Variants in CD28 observed in about 807,000 individuals in gnomAD.
CD28 encodes CD28 molecule, also known as T-cell-specific surface glycoprotein CD28.
CD28 carries 8 observed loss-of-function variants against 21.4 expected under a neutral mutation model. The ratio of observed to expected loss-of-function variants is 0.37; its 90% CI spans 0.22 to 0.68. The LOEUF (loss-of-function observed/expected upper bound fraction) is 0.68, where lower values mean the gene tolerates loss of function less well. Among genes scored for constraint, CD28 ranks in the 30% least tolerant of loss-of-function variants. The pLI, the probability that CD28 is intolerant of heterozygous loss-of-function variation, is 0.55. For missense variants in CD28, 239 were observed against 272.2 expected, an observed-to-expected ratio of 0.88 and a Z score of 0.86; for synonymous variants, 106 against 104.0, an observed-to-expected ratio of 1.02 and a Z score of -0.12.
Position 203,738,511 on chromosome 2 carries a change from T to C in CD28, c.*3599T>C, listed in dbSNP as rs938635063. 8 of 152,162 alleles carry C rather than the reference T, an allele frequency of 5.3e-5. No homozygotes were observed. The highest frequency in any genetic ancestry group is 5.2e-4 in the Admixed American group (8 of 15,276). 9.4% of individuals were successfully genotyped at this position (152,162 alleles called of 1,614,324 possible). A position where few individuals can be genotyped will look rare whatever the true frequency, so the allele number is the denominator to read the frequency against. ...TGTTATCTGCAAGGCCATTTGAGGCTCAGAAAGTCTCTCTTTCCTATAGAT... is the reference window on the plus strand; with the variant it reads ...TGTTATCTGCAAGGCCATTTGAGGCCCAGAAAGTCTCTCTTTCCTATAGAT... On this transcript the variant is annotated 3_prime_UTR_variant, in exon 4 of 4. Transcript: ENST00000324106.
intron 3 of CD28, among the ~76,000 whole-genome samples, chr2:203,732,508 TA>T (rs1217499312): frequency 6.6e-6 from 1 of 152,248 alleles, no homozygotes; most frequent in African/African-American, 2.4e-5. Flanking sequence ...GTCTGCTTTT[TA>T]TAATAATCCA....
chr2:203,728,427 G>A (rs994434388), intron 2 of CD28, among the ~76,000 whole-genome samples: 1 of 152,160 alleles, frequency 6.6e-6, no homozygotes, highest in African/African-American at 2.4e-5. Flanking sequence ...TTTCATTTTT[G>A]TGGAATGATA....
In CD28 at chr2:203,734,969, T is replaced by C. The variant is rs1426443386; in HGVS notation, c.*57T>C. 5 of 1,583,408 alleles carry C rather than the reference T, an allele frequency of 3.2e-6. No individual in the cohort carries two copies. Among genetic ancestry groups the C allele is most frequent in the Non-Finnish European group, 3.4e-6 (4 of 1,163,344 alleles). On this transcript the variant is annotated 3_prime_UTR_variant, in exon 4 of 4. Coordinates refer to ENST00000324106, the MANE Select transcript of CD28 (RefSeq NM_006139.4). ...GCAGCCCCCATCTGCTCAATATCAC[T>C]GCTCTGGATAGGAAATGACCGCCAT...
intron 1 of CD28, among the ~76,000 whole-genome samples, chr2:203,726,234 G>T (rs946519381): frequency 1.3e-5 from 2 of 151,984 alleles, no homozygotes; most frequent in African/African-American, 4.8e-5. Flanking sequence ...CAAAGAAACA[G>T]ATCTATTTTT....
At chr2:203,711,485 TCTTA>T (rs1201668070) in intron 1 of CD28, among the ~76,000 whole-genome samples, 2 of 152,214 alleles carry the variant, frequency 1.3e-5, no homozygotes, top group Admixed American at 6.5e-5. Context: ...GTGGAGAAGT[TCTTA>T]CTTAACTTTG....
chr2:203,726,280 T>C (rs1043381466), intron 1 of CD28, among the ~76,000 whole-genome samples: 1 of 152,156 alleles, frequency 6.6e-6, no homozygotes, highest in African/African-American at 2.4e-5. Flanking sequence ...CCTCCAAATA[T>C]ATCACTCAGT....
intron 1 of CD28, among the ~76,000 whole-genome samples, chr2:203,720,694 A>C (rs1378816703): frequency 1.3e-5 from 2 of 152,266 alleles, no homozygotes; most frequent in East Asian, 3.8e-4. Flanking sequence ...ATACATATCA[A>C]AGCCAAATGT....
Position 203,727,734 on chromosome 2 carries a change from C to A in CD28, c.409+745C>A, listed in dbSNP as rs1028267507. 5.9e-5 allele frequency among the ~76,000 whole-genome samples: 9 copies of A among 151,766 alleles called. No homozygotes were observed. In the East Asian group the frequency reaches 1.4e-3, roughly 23 times the overall value. On this transcript the variant is annotated intron_variant, in intron 2 of 3. Coordinates refer to ENST00000324106, the MANE Select transcript of CD28 (RefSeq NM_006139.4). ...TTGCTCTGTCGCCCAGGCTGGAATG[C>A]GGTGGCGCGATCTCGGCTCACTGCA...
chr2:203,721,313 G>T lies in CD28; in HGVS notation c.53-5320G>T, dbSNP rs78640263. ...AATCTTAGCACTTTTCTGCATAAAA[G>T]CCTTCAGTAGATCTTCATCACCTTC... On this transcript the variant is annotated intron_variant, in intron 1 of 3. Coordinates refer to ENST00000324106, the MANE Select transcript of CD28 (RefSeq NM_006139.4). Among the ~76,000 whole-genome samples the T allele has an allele frequency of 9.7e-3, 1,481 of 152,254 alleles. 24 individuals carry two copies. The highest frequency in any genetic ancestry group is 0.034 in the African/African-American group (1,403 of 41,544).
intron 1 of CD28, among the ~76,000 whole-genome samples, chr2:203,726,047 A>G (rs963121582): frequency 6.6e-6 from 1 of 151,888 alleles, no homozygotes; most frequent in Non-Finnish European, 1.5e-5. Flanking sequence ...CGTCTATACT[A>G]AAAAAATAGA....
intron 3 of CD28, among the ~76,000 whole-genome samples, chr2:203,732,765 C>T (rs1312983636): frequency 6.6e-6 from 1 of 152,194 alleles, no homozygotes; most frequent in African/African-American, 2.4e-5. Flanking sequence ...GCTGTAGGTT[C>T]TGCGTGGTGT....
intron 1 of CD28, among the ~76,000 whole-genome samples, chr2:203,707,749 A>G (rs1693198977): frequency 6.6e-6 from 1 of 152,196 alleles, no homozygotes; most frequent in Non-Finnish European, 1.5e-5. Flanking sequence ...GGTGGCAGCT[A>G]TAGGAGGCAG....
In CD28 at chr2:203,734,751, G is replaced by A. The variant is rs143458715; in HGVS notation, c.535-33G>A. Reference sequence around the variant, plus strand: ...GTCTTAGAACTCCTTCCATGACATTGTCCCTCCATACTGACACTTCTCTTT... The same window carrying A: ...GTCTTAGAACTCCTTCCATGACATTATCCCTCCATACTGACACTTCTCTTT... On this transcript the variant is annotated intron_variant, in intron 3 of 3. Transcript: ENST00000324106. The A allele has an allele frequency of 2.9e-4, 469 of 1,613,102 alleles. No individual in the cohort carries two copies. The African/African-American group carries it at 5.6e-3, about 19-fold the overall frequency.
intron 1 of CD28, among the ~76,000 whole-genome samples, chr2:203,718,890 A>G (rs1157410158): frequency 1.3e-5 from 2 of 152,230 alleles, no homozygotes; most frequent in Admixed American, 6.5e-5. Context: ...GGTAAGCTAG[A>G]ATGGAAGATC....
intron 2 of CD28, among the ~76,000 whole-genome samples, chr2:203,729,358 T>C (rs561710778): frequency 1.2e-4 from 19 of 152,296 alleles, no homozygotes; most frequent in East Asian, 9.6e-4. Context: ...GTTAAGGCCA[T>C]TGGAAGTCAC....
At chr2:203,706,621 C>A (rs780397871), upstream of CD28, 1 of 1,612,004 alleles carries the variant, frequency 6.2e-7, no homozygotes, top group Non-Finnish European at 8.5e-7. Context: ...TTGGCAGGTG[C>A]GTCTTTCAGT....
intron 1 of CD28, among the ~76,000 whole-genome samples, chr2:203,714,501 CTT>C (rs1693414455): frequency 6.7e-6 from 1 of 149,398 alleles, no homozygotes; most frequent in African/African-American, 2.4e-5. Context: ...TTTGCCCTCT[CTT>C]TTTTCAAACT....
intron 2 of CD28, among the ~76,000 whole-genome samples, chr2:203,728,040 G>T (rs1435852906): frequency 6.6e-6 from 1 of 152,062 alleles, no homozygotes; most frequent in Non-Finnish European, 1.5e-5. Context: ...TCAATCTCCT[G>T]ACCTCGTGAT....
chr2:203,716,761 C>A (rs545070661), intron 1 of CD28, among the ~76,000 whole-genome samples: 1 of 152,288 alleles, frequency 6.6e-6, no homozygotes, highest in Admixed American at 6.5e-5. Flanking sequence ...TAGTGTCTGC[C>A]TGTGTAGGAA....
Sources: gnomAD v4.1 joint callset for allele counts (sites outside exome capture counted in the v4.1 genomes callset) on GRCh38, gnomAD v4.1.1 for gene constraint, MANE v1.5 for transcripts, NCBI Gene and HGNC (gene_info 2026-07-23, HGNC 2026-07-21) for gene names.